The following CTNNA3 variants were observed in gnomAD, a reference collection of about 807,000 sequenced individuals.
The protein encoded by CTNNA3 is catenin alpha 3, also known as catenin alpha-3.
In CTNNA3, 76 loss-of-function variants were observed where a neutral mutation model predicts 95.7. That is an observed-to-expected ratio of 0.79 (90% CI 0.66 to 0.96). The LOEUF (loss-of-function observed/expected upper bound fraction) is 0.96, where lower values mean the gene tolerates loss of function less well. Ranked by LOEUF, CTNNA3 falls within the 40% of genes least tolerant of loss-of-function variation. The pLI, the probability that CTNNA3 is intolerant of heterozygous loss-of-function variation, is 0.00. For missense variants in CTNNA3, 1,191 were observed against 1,089.8 expected (o/e 1.09, Z -1.31); for synonymous variants, 431 against 374.4 (o/e 1.15, Z -1.74).
rs948516404 is a variant in CTNNA3 at position 66,990,140 on chromosome 10, C to A, written c.1047+190177G>T. 2.9e-4 allele frequency among the ~76,000 whole-genome samples: 44 copies of A among 152,128 alleles called. 1 individual carries two copies. The highest frequency in any genetic ancestry group is 1.1e-3 in the African/African-American group (44 of 41,440). ...AAGCTTGTCAGTAGACATCATTAAG[C>A]TGTTATGAGATTCCTTCTCTTGCTC... On this transcript the variant is annotated intron_variant, in intron 7 of 17. Coordinates refer to ENST00000433211, the MANE Select transcript of CTNNA3 (RefSeq NM_013266.4).
rs137883185 is a variant in CTNNA3 at position 66,312,794 on chromosome 10, C to T, written c.1733-32173G>A. On this transcript the variant is annotated intron_variant, in intron 12 of 17. Transcript: ENST00000433211. Reference sequence around the variant, plus strand: ...TCTCCTGACCTCGTGATACACCCACCTCGGCCTCCCAAAGTGCTGGGATTA... The same window carrying T: ...TCTCCTGACCTCGTGATACACCCACTTCGGCCTCCCAAAGTGCTGGGATTA... Among the ~76,000 whole-genome samples the T allele has an allele frequency of 8.0e-3, 1,223 of 152,214 alleles. 14 individuals carry two copies. Among genetic ancestry groups the T allele is most frequent in the African/African-American group, 0.028 (1,159 of 41,534 alleles).
chr10:66,845,726 A>AT (rs1843240253), intron 7 of CTNNA3, among the ~76,000 whole-genome samples: 2 of 106,194 alleles, frequency 1.9e-5, no homozygotes, highest in East Asian at 2.5e-4. Context: ...AAAAAAAAAA[A>AT]AAACTAAAAA....
intron 14 of CTNNA3, among the ~76,000 whole-genome samples, chr10:66,076,735 T>C (rs2080569982): frequency 6.6e-6 from 1 of 151,710 alleles, no homozygotes; most frequent in South Asian, 2.1e-4. Flanking sequence ...ATAATAATGA[T>C]AGTGATTGAC....
intron 10 of CTNNA3, among the ~76,000 whole-genome samples, chr10:66,530,947 TA>T (rs1589383020): frequency 1.3e-5 from 2 of 152,228 alleles, no homozygotes. Context: ...TCGTATCTCA[TA>T]AAACATACTG....
At chr10:67,048,916 A>G (rs1854915846) in intron 7 of CTNNA3, among the ~76,000 whole-genome samples, 1 of 151,994 alleles carries the variant, frequency 6.6e-6, no homozygotes, top group Non-Finnish European at 1.5e-5. Context: ...CACTCATACA[A>G]CTAGTCATTC....
chr10:66,792,846 A>G (rs1233819884), intron 7 of CTNNA3, among the ~76,000 whole-genome samples: 2 of 152,168 alleles, frequency 1.3e-5, no homozygotes, highest in African/African-American at 4.8e-5. Context: ...CAGAAGTTTG[A>G]TTAAAAGCCA....
At chr10:66,476,902 A>G (rs1839346261) in intron 11 of CTNNA3, among the ~76,000 whole-genome samples, 1 of 152,086 alleles carries the variant, frequency 6.6e-6, no homozygotes, top group South Asian at 2.1e-4. Flanking sequence ...AGAAATCTAG[A>G]TATTTTTCTC....
At position 67,387,821 on chromosome 10, in the gene CTNNA3, G is replaced by T. The variant is rs1844256838; in HGVS notation, c.579+134021C>A. ...GCACACTGACACCTCACATGGCAGG[G>T]TATTCCAACAGACCTGCAGCTGAGG... On this transcript the variant is annotated intron_variant, in intron 5 of 17. Transcript: ENST00000433211. 2.6e-5 allele frequency among the ~76,000 whole-genome samples: 4 copies of T among 152,166 alleles called. No individual in the cohort carries two copies. The South Asian group carries it at 8.3e-4, about 32-fold the overall frequency.
chr10:66,996,649 CAAAA>C lies in CTNNA3; in HGVS notation c.1047+183664_1047+183667del, dbSNP rs57025097. Among the ~76,000 whole-genome samples, 587 of 67,644 alleles carry C rather than the reference CAAAA, an allele frequency of 8.7e-3. 2 individuals are homozygous for C. Among genetic ancestry groups the C allele is most frequent in the African/African-American group, 0.033 (558 of 16,854 alleles). The allele number at this position is 67,644 out of a possible 152,430, so 44.4% of individuals were successfully genotyped here. Reference sequence around the variant, plus strand: ...GTGAGAGAGTGAGACTCCGTCTCTACAAAAAAAAAAAAAAAAAAAAAAGCATGTT... The same window carrying C: ...GTGAGAGAGTGAGACTCCGTCTCTACAAAAAAAAAAAAAAAAAAGCATGTT... On this transcript the variant is annotated intron_variant, in intron 7 of 17. Coordinates refer to ENST00000433211, the MANE Select transcript of CTNNA3 (RefSeq NM_013266.4).
At chr10:66,272,091 ACTTCTTTC>A (rs755369021) in intron 13 of CTNNA3, among the ~76,000 whole-genome samples, 6 of 152,152 alleles carry the variant, frequency 3.9e-5, no homozygotes, top group Non-Finnish European at 7.4e-5. Flanking sequence ...ACTGTTACAG[ACTTCTTTC>A]CACTAAGGTT....
chr10:67,396,048 T>C (rs1844695701), intron 5 of CTNNA3, among the ~76,000 whole-genome samples: 1 of 152,174 alleles, frequency 6.6e-6, no homozygotes, highest in Admixed American at 6.5e-5. Flanking sequence ...GCAGAGTATA[T>C]TTTTAAAGAA....
intron 13 of CTNNA3, among the ~76,000 whole-genome samples, chr10:66,220,475 C>A (rs995928743): frequency 6.6e-6 from 1 of 152,098 alleles, no homozygotes; most frequent in Non-Finnish European, 1.5e-5. Flanking sequence ...TGGAGGGTAC[C>A]TGCGACCCCT....
At chr10:66,241,864 T>TC (rs1554903420) in intron 13 of CTNNA3, among the ~76,000 whole-genome samples, 32,475 of 152,008 alleles carry the variant, frequency 0.21, 3,639 homozygotes, top group South Asian at 0.29. Flanking sequence ...AAATCTAATA[T>TC]AACCAAATAT....
intron 7 of CTNNA3, among the ~76,000 whole-genome samples, chr10:66,822,986 T>A (rs1248611918): frequency 6.6e-6 from 1 of 152,158 alleles, no homozygotes; most frequent in Non-Finnish European, 1.5e-5. Flanking sequence ...CAAGAAAGGC[T>A]CTATGGTACG....
chr10:67,702,039 A>G (rs1377240329), intron 1 of CTNNA3, among the ~76,000 whole-genome samples: 6 of 152,132 alleles, frequency 3.9e-5, no homozygotes, highest in Admixed American at 6.5e-5. Context: ...AGGCCATTAC[A>G]TAATGGTAAA....
chr10:66,221,643 T>C (rs1044923948), intron 13 of CTNNA3, among the ~76,000 whole-genome samples: 1 of 152,140 alleles, frequency 6.6e-6, no homozygotes, highest in Non-Finnish European at 1.5e-5. Flanking sequence ...TTAGTAATAG[T>C]TTTCAGGCAA....
At chr10:66,530,147 T>C in intron 10 of CTNNA3, among the ~76,000 whole-genome samples, 1 of 152,210 alleles carries the variant, frequency 6.6e-6, no homozygotes, top group Admixed American at 6.5e-5. Flanking sequence ...TTAAAAATTT[T>C]ACTTAATATA....
intron 9 of CTNNA3, among the ~76,000 whole-genome samples, chr10:66,696,016 G>C (rs1440490317): frequency 2.0e-5 from 3 of 152,006 alleles, no homozygotes; most frequent in East Asian, 1.9e-4. Context: ...TCATTAAGGA[G>C]TTGGTATGGC....
chr10:66,215,420 A>G (rs2088464293), intron 13 of CTNNA3, among the ~76,000 whole-genome samples: 1 of 152,204 alleles, frequency 6.6e-6, no homozygotes, highest in Admixed American at 6.5e-5. Flanking sequence ...TGATGATTTA[A>G]GAGCAAGTAT....
Sources: gnomAD v4.1 joint callset for allele counts (sites outside exome capture counted in the v4.1 genomes callset) on GRCh38, gnomAD v4.1.1 for gene constraint, MANE v1.5 for transcripts, NCBI Gene and HGNC (gene_info 2026-07-23, HGNC 2026-07-21) for gene names.